BUB1: variants seen among roughly 807,000 people sequenced by gnomAD.
BUB1 encodes the protein BUB1 mitotic checkpoint serine/threonine kinase.
BUB1 carries 84 observed loss-of-function variants against 135.2 expected under a neutral mutation model. The observed-to-expected ratio is 0.62, with a 90% CI of 0.52 to 0.74. BUB1 has a LOEUF of 0.74. BUB1 is among the 30% of genes least tolerant of loss of function. BUB1 has a pLI of 0.00. For synonymous variants in BUB1, 403 were observed against 434.4 expected (o/e 0.93, Z 0.90); for missense variants, 1,162 against 1,288.3 (o/e 0.90, Z 1.50).
chr2:110,670,555 G>A lies in BUB1; in HGVS notation c.436C>T (p.Arg146Cys), dbSNP rs368925928. 67 of 1,613,922 alleles carry A rather than the reference G, an allele frequency of 4.2e-5. No individual in the cohort carries two copies. The highest frequency in any genetic ancestry group is 5.0e-5 in the Non-Finnish European group (59 of 1,179,916). The change falls in exon 5 of 25, where the codon CGC (arginine) becomes TGC (cysteine). Residue 146 changes from arginine to cysteine, a missense_variant. Arg to Cys is a radical substitution (Grantham distance 180). Coordinates refer to ENST00000302759, the MANE Select transcript of BUB1 (RefSeq NM_004336.5). ...GCTGGCAAATGGGTTTCAGTGAGGC[G>A]TGTCTGAAATAACCTAAATGACAGC... The part of the protein sequence containing the change: ...LQQQYRLFQT[R>C]LTETHLPAQA...
At position 110,658,711 on chromosome 2, in the gene BUB1, A is replaced by G; in HGVS notation, c.1308T>C (p.Ser436=). The change falls in exon 12 of 25, where the codon AGT becomes AGC. Residue 436 remains serine, a synonymous_variant. Coordinates refer to ENST00000302759, the MANE Select transcript of BUB1 (RefSeq NM_004336.5). ...ATGTGTTTGGAGTTGTGTGAAAAGAACTTGTGTTGGCAACCTTATGTGTTT... is the reference window on the plus strand; with the variant it reads ...ATGTGTTTGGAGTTGTGTGAAAAGAGCTTGTGTTGGCAACCTTATGTGTTT... ...GCETHKVANT[S]SFHTTPNTSL... 6.2e-7 allele frequency: 1 copy of G among 1,614,196 alleles called. No individual in the cohort carries two copies. Among genetic ancestry groups the G allele is most frequent in the South Asian group, 1.1e-5 (1 of 91,090 alleles).
rs1801615 is a variant in BUB1 at position 110,667,666 on chromosome 2, A to G, written c.660T>C (p.Ser220=). ...CTTTGGATGCCAAAGATGAGTGCAC[A>G]GAATATTCTGATTTAGAAATCGTGA... The part of the protein sequence containing the change: ...RVITISKSEY[S]VHSSLASKVD... Residue 220 remains serine (S), a synonymous_variant, in exon 8 of 25, where the codon TCT becomes TCC. Coordinates refer to ENST00000302759, the MANE Select transcript of BUB1 (RefSeq NM_004336.5). 5.4e-4 allele frequency: 874 copies of G among 1,613,598 alleles called. 2 individuals carry two copies. In the African/African-American group the frequency reaches 0.011, roughly 20 times the overall value.
In BUB1 at chr2:110,641,459, G is replaced by A; in HGVS notation, c.2631C>T (p.Ala877=). 2 of 1,605,358 alleles carry A rather than the reference G, an allele frequency of 1.2e-6. No individual in the cohort carries two copies. Among genetic ancestry groups the A allele is most frequent in the Non-Finnish European group, 1.7e-6 (2 of 1,177,440 alleles). Residue 877 remains alanine (A), a synonymous_variant, in exon 22 of 25, where the codon GCC becomes GCT. Coordinates refer to ENST00000302759, the MANE Select transcript of BUB1 (RefSeq NM_004336.5). Reference sequence around the variant, plus strand: ...CAGGGGTATTTTTATAGAGGTTAATGGCATTCTAGGAACAATGGAAAGTGG... The same window carrying A: ...CAGGGGTATTTTTATAGAGGTTAATAGCATTCTAGGAACAATGGAAAGTGG... ...ELYSYGTLLN[A]INLYKNTPEK...
At chr2:110,638,588 G>A (rs1689421207) in intron 24 of BUB1, among the ~76,000 whole-genome samples, 1 of 152,214 alleles carries the variant, frequency 6.6e-6, no homozygotes, top group Non-Finnish European at 1.5e-5. Flanking sequence ...CAAGAGTTAA[G>A]AGTTCCAACT....
At chr2:110,655,680 A>T (rs1393081647) in intron 16 of BUB1, 59 bp downstream of exon 16, 22 of 1,401,450 alleles carry the variant, frequency 1.6e-5, no homozygotes, top group Non-Finnish European at 2.1e-5. Flanking sequence ...AACTTCATGA[A>T]GAAAACTGAA....
rs530897102 is a variant in BUB1, at chr2:110,663,336, T to C, written c.958-1495A>G. On this transcript the variant is annotated intron_variant, in intron 9 of 24. Transcript: ENST00000302759. ...ATGAAATGATCAAGAAGAGATCTAC[T>C]GACTAAAGCAAAGGTATAGATATTT... is the stretch of plus-strand genomic sequence containing the variant. 8.3e-4 allele frequency among the ~76,000 whole-genome samples: 127 copies of C among 152,336 alleles called. 1 individual carries two copies. The highest frequency in any genetic ancestry group is 1.4e-3 in the Non-Finnish European group (98 of 68,030).
intron 11 of BUB1, among the ~76,000 whole-genome samples, chr2:110,659,583 G>A (rs527240234): frequency 6.6e-6 from 1 of 152,238 alleles, no homozygotes; most frequent in East Asian, 1.9e-4. Context: ...CCCAACCTGT[G>A]CATCTTATTA....
At chr2:110,644,058 C>CAAAAAAAAAAAAAAAAAAAA (rs58393999) in intron 19 of BUB1, among the ~76,000 whole-genome samples, 20 of 39,668 alleles carry the variant, frequency 5.0e-4, no homozygotes, top group African/African-American at 1.6e-3. Context: ...AACTGAAATG[C>CAAAAAAAAAAAAAAAAAAAA]AAAAAAAAAA....
chr2:110,655,781 G>A lies in BUB1; in HGVS notation c.1834C>T (p.His612Tyr), dbSNP rs1689916268. 6.2e-7 allele frequency: 1 copy of A among 1,613,778 alleles called. No homozygotes were observed. The highest frequency in any genetic ancestry group is 8.5e-7 in the Non-Finnish European group (1 of 1,179,866). The part of the protein sequence containing the change: ...SAAQLASTPF[H>Y]KLPVESVHIL... Reference sequence around the variant, plus strand: ...TGCACTGACTCCACTGGAAGCTTGTGGAATGGTGTAGACGCAAGTTGTGCA... The same window carrying A: ...TGCACTGACTCCACTGGAAGCTTGTAGAATGGTGTAGACGCAAGTTGTGCA... The change falls in exon 16 of 25, where the codon CAC (histidine) becomes TAC (tyrosine). Residue 612 changes from histidine (H) to tyrosine (Y), a missense_variant. By Grantham distance (83) the His-to-Tyr change is moderately conservative (BLOSUM62 2). Transcript: ENST00000302759.
chr2:110,638,471 A>G (rs1180840048), intron 24 of BUB1, among the ~76,000 whole-genome samples: 1 of 152,240 alleles, frequency 6.6e-6, no homozygotes, highest in Non-Finnish European at 1.5e-5. Context: ...GGCTAGCCAT[A>G]CATACAATAC....
intron 20 of BUB1, 63 bp downstream of exon 20, chr2:110,642,056 T>C: frequency 7.7e-7 from 1 of 1,304,524 alleles, no homozygotes; most frequent in Non-Finnish European, 1.1e-6. Flanking sequence ...AAAAAATTTC[T>C]TGGCAAACTC....
intron 3 of BUB1, 43 bp downstream of exon 3, chr2:110,674,043 C>T: frequency 4.2e-6 from 6 of 1,416,136 alleles, no homozygotes; most frequent in South Asian, 1.3e-5. Context: ...AGCAAAAGTA[C>T]AACATGATTA....
chr2:110,668,478 A>G (rs1407164629), intron 6 of BUB1, among the ~76,000 whole-genome samples: 1 of 152,228 alleles, frequency 6.6e-6, no homozygotes, highest in Non-Finnish European at 1.5e-5. Flanking sequence ...TCTACTTCTA[A>G]GAATGTATTA....
Position 110,641,731 on chromosome 2 carries a change from G to A in BUB1, c.2536C>T (p.Gln846Ter). ...QLMERLKPSM[Q>*]HMFMKFYSAH... ...GAATAGAACTTCATAAACATGTGCTGCATAGATGGCTTTAGTCTTTCCATC... is the reference window on the plus strand; with the variant it reads ...GAATAGAACTTCATAAACATGTGCTACATAGATGGCTTTAGTCTTTCCATC... The change falls in exon 21 of 25, where the codon CAG (glutamine) becomes TAG (stop). Residue 846 changes from glutamine to a stop codon, truncating the protein, a stop_gained. Coordinates refer to ENST00000302759, the MANE Select transcript of BUB1 (RefSeq NM_004336.5). LOFTEE classifies it high-confidence loss of function. 2 of 1,612,286 alleles carry A rather than the reference G, an allele frequency of 1.2e-6. No homozygotes were observed. Among genetic ancestry groups the A allele is most frequent in the South Asian group, 1.1e-5 (1 of 91,082 alleles).
intron 23 of BUB1, 169 bp from the exon 24 acceptor site, chr2:110,640,017 T>C: frequency 1.4e-6 from 1 of 693,050 alleles, no homozygotes; most frequent in South Asian, 1.5e-5. Context: ...ACTGAATATC[T>C]AGGCTTTGCC....
At chr2:110,649,147 TCA>T (rs34802999) in intron 19 of BUB1, 85 bp downstream of exon 19, 46,174 of 1,060,542 alleles carry the variant, frequency 0.044, no homozygotes, top group South Asian at 0.061. Context: ...AATAGGAGAA[TCA>T]CACACACACA....
chr2:110,646,381 G>C (rs1465879956), intron 19 of BUB1, among the ~76,000 whole-genome samples: 1 of 151,572 alleles, frequency 6.6e-6, no homozygotes, highest in Admixed American at 6.6e-5. Flanking sequence ...GGCGGGACAG[G>C]GAGGGACGGG....
At chr2:110,642,282 AAT>A (rs766008602) in intron 19 of BUB1, 48 bp from the exon 20 acceptor site, 2 of 1,259,346 alleles carry the variant, frequency 1.6e-6, no homozygotes, top group East Asian at 2.4e-5. Flanking sequence ...TTTTATTTTA[AAT>A]AGTTTTCAAT....
chr2:110,669,379 G>C, intron 6 of BUB1, 74 bp downstream of exon 6: 1 of 1,001,204 alleles, frequency 1.0e-6, no homozygotes, highest in Non-Finnish European at 1.6e-6. Context: ...TGTCAAAGTG[G>C]ATGTAGAAGG....
Sources: allele counts gnomAD v4.1 joint callset (sites outside exome capture counted in the v4.1 genomes callset), GRCh38; gene constraint gnomAD v4.1.1; transcripts MANE v1.5; gene names NCBI Gene and HGNC (gene_info 2026-07-23, HGNC 2026-07-21).